Variants in FZD10 observed in about 807,000 individuals in gnomAD.
FZD10 encodes the protein frizzled-10.
FZD10 carries 14 observed loss-of-function variants against 24.4 expected under a neutral mutation model. That is an observed-to-expected ratio of 0.57 (90% CI 0.38 to 0.90). FZD10 has a LOEUF of 0.90. Ranked by LOEUF, FZD10 falls within the 40% of genes least tolerant of loss-of-function variation. The pLI is 0.00. For missense variants in FZD10, 775 were observed against 816.6 expected (o/e 0.95, Z 0.62); for synonymous variants, 381 against 349.1 (o/e 1.09, Z -1.02).
In FZD10 at chr12:130,163,911, C is replaced by T; in HGVS notation, c.969C>T (p.Ser323=). ...TCCTCTACTACTTCGGCATGGCCAG[C>T]TCGCTGTGGTGGGTGGTCCTCACGC... ...FLVLYYFGMA[S]SLWWVVLTLT... The change falls in exon 1 of 1, where the codon AGC becomes AGT. Residue 323 remains serine (S), a synonymous_variant. Transcript: ENST00000229030. 2 of 1,613,952 alleles carry T rather than the reference C, an allele frequency of 1.2e-6. No homozygotes were observed. The highest frequency in any genetic ancestry group is 1.7e-6 in the Non-Finnish European group (2 of 1,180,042).
Position 130,163,502 on chromosome 12 carries a change from C to A in FZD10, c.560C>A (p.Pro187His). Residue 187 changes from proline to histidine, a missense_variant, in exon 1 of 1, where the codon CCC becomes CAC. Pro to His is a moderately conservative substitution (Grantham distance 77). Coordinates refer to ENST00000229030, the MANE Select transcript of FZD10 (RefSeq NM_007197.4). ...AQEHPLKDGGPGRGGCDNPGK... is the reference protein window; with the variant it reads ...AQEHPLKDGGHGRGGCDNPGK... ...GAGCACCCGCTGAAGGACGGGGGCC[C>A]CGGGCGCGGCGGCTGCGACAACCCG... 1 of 1,586,240 alleles carries A rather than the reference C, an allele frequency of 6.3e-7. No individual in the cohort carries two copies. The highest frequency in any genetic ancestry group is 8.6e-7 in the Non-Finnish European group (1 of 1,167,248).
In FZD10 at chr12:130,163,593, G is replaced by T; in HGVS notation, c.651G>T (p.Val217=). 1.9e-6 allele frequency: 3 copies of T among 1,611,770 alleles called. No homozygotes were observed. Among genetic ancestry groups the T allele is most frequent in the Non-Finnish European group, 2.5e-6 (3 of 1,179,362 alleles). ...CAPLCTPGVD[V]YWSREDKRFA... ...CGCTCTGCACGCCCGGCGTGGACGT[G>T]TACTGGAGCCGCGAGGACAAGCGCT... The change falls in exon 1 of 1, where the codon GTG becomes GTT. Residue 217 remains valine (V), a synonymous_variant. Coordinates refer to ENST00000229030, the MANE Select transcript of FZD10 (RefSeq NM_007197.4).
Position 130,163,795 on chromosome 12 carries a change from G to T in FZD10, c.853G>T (p.Ala285Ser). The change falls in exon 1 of 1, where the codon GCC becomes TCC. Residue 285 changes from alanine to serine, a missense_variant. Transcript: ENST00000229030. Reference protein sequence around the residue: ...VGYLIRLFAGAESIACDRDSG... With the variant: ...VGYLIRLFAGSESIACDRDSG... ...CTACCTCATCCGCCTCTTCGCCGGC[G>T]CCGAGAGCATCGCCTGCGACCGGGA... The T allele has an allele frequency of 6.2e-7, 1 of 1,613,908 alleles. No homozygotes were observed. The highest frequency in any genetic ancestry group is 8.5e-7 in the Non-Finnish European group (1 of 1,180,044).
At position 130,163,030 on chromosome 12, in the gene FZD10, G is replaced by C; in HGVS notation, c.88G>C (p.Gly30Arg). ...CAGCTCCATGGACATGGAGCGCCCG[G>C]GCGACGGCAAATGCCAGCCCATCGA... is the stretch of plus-strand genomic sequence containing the variant. ...AISSMDMERP[G>R]DGKCQPIEIP... The change falls in exon 1 of 1, where the codon GGC becomes CGC. Residue 30 changes from glycine (G) to arginine (R), a missense_variant. Gly to Arg is a moderately radical substitution (Grantham distance 125). Coordinates refer to ENST00000229030, the MANE Select transcript of FZD10 (RefSeq NM_007197.4). 6.2e-7 allele frequency: 1 copy of C among 1,611,540 alleles called. No homozygotes were observed. Among genetic ancestry groups the C allele is most frequent in the South Asian group, 1.1e-5 (1 of 90,914 alleles).
In FZD10 at chr12:130,163,910, G is replaced by T; in HGVS notation, c.968G>T (p.Ser323Ile). Reference sequence around the variant, plus strand: ...GTCCTCTACTACTTCGGCATGGCCAGCTCGCTGTGGTGGGTGGTCCTCACG... The same window carrying T: ...GTCCTCTACTACTTCGGCATGGCCATCTCGCTGTGGTGGGTGGTCCTCACG... ...FLVLYYFGMA[S>I]SLWWVVLTLT... The change falls in exon 1 of 1, where the codon AGC becomes ATC. Residue 323 changes from serine (S) to isoleucine (I), a missense_variant. Coordinates refer to ENST00000229030, the MANE Select transcript of FZD10 (RefSeq NM_007197.4). The T allele has an allele frequency of 6.2e-7, 1 of 1,613,952 alleles. No homozygotes were observed. The highest frequency in any genetic ancestry group is 1.3e-5 in the African/African-American group (1 of 75,076).
In FZD10 at chr12:130,163,863, C is replaced by T. The variant is rs1593019538; in HGVS notation, c.921C>T (p.Thr307=). 2.1e-5 allele frequency: 34 copies of T among 1,613,934 alleles called. No homozygotes were observed. The highest frequency in any genetic ancestry group is 2.9e-5 in the Non-Finnish European group (34 of 1,180,030). ...TCATCCAGGAGGGACTGGAGAGCAC[C>T]GGCTGCACGCTGGTCTTCCTGGTCC... The part of the protein sequence containing the change: ...LYVIQEGLES[T]GCTLVFLVLY... Residue 307 remains threonine, a synonymous_variant, in exon 1 of 1, where the codon ACC becomes ACT. Transcript: ENST00000229030.
Position 130,164,872 on chromosome 12 carries a change from G to A in FZD10, c.*184G>A, listed in dbSNP as rs191728297. The A allele has an allele frequency of 2.2e-4, 117 of 522,182 alleles. No individual in the cohort carries two copies. The East Asian group carries it at 3.5e-3, about 16-fold the overall frequency. 32.3% of individuals were successfully genotyped at this position (522,182 alleles called of 1,614,324 possible). ...ACTGAAAGGAAAAATGTACTTAAAG[G>A]GTTTTGTTTTGTTTTGGTTTTCCAG... is the stretch of plus-strand genomic sequence containing the variant. On this transcript the variant is annotated 3_prime_UTR_variant, in exon 1 of 1. Transcript: ENST00000229030. The surrounding 1 kb of genome is among the most constrained non-coding windows in gnomAD (Gnocchi z 5.3).
rs1293363716 is a variant in FZD10 at position 130,164,773 on chromosome 12, T to TC, written c.*85_*86insC. The TC allele has an allele frequency of 5.0e-5, 25 of 498,172 alleles. No individual in the cohort carries two copies. Among genetic ancestry groups the TC allele is most frequent in the African/African-American group, 1.8e-4 (5 of 28,038 alleles). 30.9% of individuals were successfully genotyped at this position (498,172 alleles called of 1,614,324 possible). A position where few individuals can be genotyped will look rare whatever the true frequency, so the allele number is the denominator to read the frequency against. On this transcript the variant is annotated 3_prime_UTR_variant, in exon 1 of 1. Transcript: ENST00000229030. The surrounding 1 kb of genome is among the most constrained non-coding windows in gnomAD (Gnocchi z 5.3). ...TTGTGTTTTTCTTTCTTCTTCTTCT[T>TC]TTTTTTTTTTTATAAAAGCAAAAGA...
rs765267758 is a variant in FZD10 at position 130,164,685 on chromosome 12, G to T, written c.1743G>T (p.Val581=). The T allele has an allele frequency of 3.7e-6, 6 of 1,601,890 alleles. No homozygotes were observed. Among genetic ancestry groups the T allele is most frequent in the Admixed American group, 3.4e-5 (2 of 59,382 alleles). ...TCCCTGCCCAGTCGCCCACCTGCGT[G>T]TGAACAGGGCTGGAGGGAAGGGCAC... ...YEIPAQSPTC[V] The change falls in exon 1 of 1, where the codon GTG becomes GTT. Residue 581 remains valine, a synonymous_variant. Transcript: ENST00000229030. The surrounding 1 kb of genome is among the most constrained non-coding windows in gnomAD (Gnocchi z 5.3).
Position 130,163,510 on chromosome 12 carries a change from G to A in FZD10, c.568G>A (p.Gly190Ser). Residue 190 changes from glycine (G) to serine (S), a missense_variant, in exon 1 of 1, where the codon GGC becomes AGC. Physicochemically the swap from Gly to Ser is moderately conservative, Grantham distance 56 (BLOSUM62 0). Coordinates refer to ENST00000229030, the MANE Select transcript of FZD10 (RefSeq NM_007197.4). ...HPLKDGGPGR[G>S]GCDNPGKFHH... ...GCTGAAGGACGGGGGCCCCGGGCGC[G>A]GCGGCTGCGACAACCCGGGCAAGTT... 2 of 1,583,852 alleles carry A rather than the reference G, an allele frequency of 1.3e-6. No individual in the cohort carries two copies. Among genetic ancestry groups the A allele is most frequent in the Non-Finnish European group, 1.7e-6 (2 of 1,166,328 alleles).
chr12:130,162,925 GA>G lies in FZD10; in HGVS notation c.-17del. ...TGAGGGGCGCGGAGCTCCCCGCGAG[GA>G]CACGTCCAACGCCAGCATGCAGCGC... On this transcript the variant is annotated 5_prime_UTR_variant, in exon 1 of 1. Coordinates refer to ENST00000229030, the MANE Select transcript of FZD10 (RefSeq NM_007197.4). 1 of 1,482,078 alleles carries G rather than the reference GA, an allele frequency of 6.7e-7. No homozygotes were observed. The highest frequency in any genetic ancestry group is 1.3e-5 in the South Asian group (1 of 75,064). The allele number at this position is 1,482,078 out of a possible 1,614,324, so 91.8% of individuals were successfully genotyped here.
In FZD10 at chr12:130,163,518, C is replaced by G; in HGVS notation, c.576C>G (p.Cys192Trp). Residue 192 changes from cysteine (C) to tryptophan (W), a missense_variant, in exon 1 of 1, where the codon TGC becomes TGG. Coordinates refer to ENST00000229030, the MANE Select transcript of FZD10 (RefSeq NM_007197.4). ...ACGGGGGCCCCGGGCGCGGCGGCTG[C>G]GACAACCCGGGCAAGTTCCACCACG... ...LKDGGPGRGG[C>W]DNPGKFHHVE... 1 of 1,585,236 alleles carries G rather than the reference C, an allele frequency of 6.3e-7. No homozygotes were observed. The highest frequency in any genetic ancestry group is 8.6e-7 in the Non-Finnish European group (1 of 1,167,066).
chr12:130,164,053 G>C lies in FZD10; in HGVS notation c.1111G>C (p.Val371Leu). The change falls in exon 1 of 1, where the codon GTC becomes CTC. Residue 371 changes from valine to leucine, a missense_variant. Coordinates refer to ENST00000229030, the MANE Select transcript of FZD10 (RefSeq NM_007197.4). The surrounding 1 kb of genome is among the most constrained non-coding windows in gnomAD (Gnocchi z 5.3). The part of the protein sequence containing the change: ...IPAVKTILIL[V>L]MRRVAGDELT... ...GGCGGTGAAGACCATCCTGATCCTG[G>C]TCATGCGCAGGGTGGCGGGGGACGA... 1 of 1,613,766 alleles carries C rather than the reference G, an allele frequency of 6.2e-7. No individual in the cohort carries two copies. Among genetic ancestry groups the C allele is most frequent in the Non-Finnish European group, 8.5e-7 (1 of 1,180,020 alleles).
Position 130,164,574 on chromosome 12 carries a change from G to A in FZD10, c.1632G>A (p.Arg544=). Reference sequence around the variant, plus strand: ...GCCGTAGGTTAAAGAAGAAGAGCCGGAGAAAACCGGCCAGCGTGATCACCA... The same window carrying A: ...GCCGTAGGTTAAAGAAGAAGAGCCGAAGAAAACCGGCCAGCGTGATCACCA... ...VCSRRLKKKS[R]RKPASVITSG... Residue 544 remains arginine (R), a synonymous_variant, in exon 1 of 1, where the codon CGG becomes CGA. Coordinates refer to ENST00000229030, the MANE Select transcript of FZD10 (RefSeq NM_007197.4). This position sits in a 1 kb window ranked among gnomAD's most constrained non-coding sequence, Gnocchi z 5.3. 4.3e-6 allele frequency: 7 copies of A among 1,612,952 alleles called. No homozygotes were observed. Among genetic ancestry groups the A allele is most frequent in the Non-Finnish European group, 5.9e-6 (7 of 1,179,998 alleles).
At position 130,163,327 on chromosome 12, in the gene FZD10, C is replaced by T; in HGVS notation, c.385C>T (p.Pro129Ser). 6.2e-7 allele frequency: 1 copy of T among 1,613,174 alleles called. No individual in the cohort carries two copies. Among genetic ancestry groups the T allele is most frequent in the Non-Finnish European group, 8.5e-7 (1 of 1,180,002 alleles). ...TATGGAGCAGTTCAACTTCAAGTGG[C>T]CCGACTCCCTGGACTGCCGGAAACT... ...PIMEQFNFKW[P>S]DSLDCRKLPN... The change falls in exon 1 of 1, where the codon CCC becomes TCC. Residue 129 changes from proline (P) to serine (S), a missense_variant. Coordinates refer to ENST00000229030, the MANE Select transcript of FZD10 (RefSeq NM_007197.4).
Position 130,164,202 on chromosome 12 carries a change from G to C in FZD10, c.1260G>C (p.Leu420=). Residue 420 remains leucine, a synonymous_variant, in exon 1 of 1, where the codon CTG becomes CTC. Transcript: ENST00000229030. The surrounding 1 kb of genome is among the most constrained non-coding windows in gnomAD (Gnocchi z 5.3). ...TCATCCTCTCGGGCTTCGTGGCCCT[G>C]TTCCACATCCGGAGGGTGATGAAGA... ...TSFILSGFVA[L]FHIRRVMKTG... The C allele has an allele frequency of 6.2e-7, 1 of 1,614,172 alleles. No individual in the cohort carries two copies.
chr12:130,163,687 T>C lies in FZD10; in HGVS notation c.745T>C (p.Phe249Leu), dbSNP rs748571988. ...FFSSAFTVLTFLIDPARFRYP... is the reference protein window; with the variant it reads ...FFSSAFTVLTLLIDPARFRYP... ...CTCCAGCGCCTTCACCGTGCTCACC[T>C]TCCTCATCGACCCGGCCCGCTTCCG... The change falls in exon 1 of 1, where the codon TTC becomes CTC. Residue 249 changes from phenylalanine to leucine, a missense_variant. Physicochemically the swap from Phe to Leu is conservative, Grantham distance 22. Transcript: ENST00000229030. The C allele has an allele frequency of 1.9e-6, 3 of 1,613,680 alleles. No individual in the cohort carries two copies. The highest frequency in any genetic ancestry group is 2.5e-6 in the Non-Finnish European group (3 of 1,180,026).
chr12:130,163,281 C>A lies in FZD10; in HGVS notation c.339C>A (p.Ala113=). Reference sequence around the variant, plus strand: ...CCTGCCGGGTCATGTGCGAGCAGGCCCGGCTCAAGTGCTCCCCGATTATGG... The same window carrying A: ...CCTGCCGGGTCATGTGCGAGCAGGCACGGCTCAAGTGCTCCCCGATTATGG... The part of the protein sequence containing the change: ...IPACRVMCEQ[A]RLKCSPIMEQ... The change falls in exon 1 of 1, where the codon GCC becomes GCA. Residue 113 remains alanine, a synonymous_variant. Transcript: ENST00000229030. The A allele has an allele frequency of 6.2e-7, 1 of 1,613,100 alleles. No homozygotes were observed. Among genetic ancestry groups the A allele is most frequent in the Non-Finnish European group, 8.5e-7 (1 of 1,179,990 alleles).
rs762959669 is a variant in FZD10 at position 130,163,653 on chromosome 12, G to C, written c.711G>C (p.Leu237=). The C allele has an allele frequency of 6.2e-7, 1 of 1,613,250 alleles. No individual in the cohort carries two copies. Among genetic ancestry groups the C allele is most frequent in the Non-Finnish European group, 8.5e-7 (1 of 1,180,030 alleles). The change falls in exon 1 of 1, where the codon CTG becomes CTC. Residue 237 remains leucine, a synonymous_variant. Coordinates refer to ENST00000229030, the MANE Select transcript of FZD10 (RefSeq NM_007197.4). ...AVVWLAIWAV[L]CFFSSAFTVL... ...TCTGGCTGGCCATCTGGGCGGTGCT[G>C]TGCTTCTTCTCCAGCGCCTTCACCG...
Sources: gnomAD v4.1 joint callset for allele counts on GRCh38, gnomAD v4.1.1 for gene constraint, Gnocchi (gnomAD v3.1) non-coding constraint, MANE v1.5 for transcripts, NCBI Gene and HGNC (gene_info 2026-07-23, HGNC 2026-07-21) for gene names.